Variants in CDH13 observed in about 807,000 individuals in gnomAD.
The protein encoded by CDH13 is cadherin 13, also known as cadherin-13.
CDH13 carries 24 observed loss-of-function variants against 63.8 expected under a neutral mutation model. That is an observed-to-expected ratio of 0.38 (90% CI 0.27 to 0.53). The LOEUF (loss-of-function observed/expected upper bound fraction) is 0.53, where lower values mean the gene tolerates loss of function less well. Among genes scored for constraint, CDH13 ranks in the 20% least tolerant of loss-of-function variants. The pLI is 0.85. For synonymous variants in CDH13, 503 were observed against 355.3 expected, an observed-to-expected ratio of 1.42 and a Z score of -4.67; for missense variants, 1,049 against 903.1, an observed-to-expected ratio of 1.16 and a Z score of -2.07.
chr16:83,372,782 CAG>C (rs1473658692), intron 6 of CDH13, among the ~76,000 whole-genome samples: 1 of 145,596 alleles, frequency 6.9e-6, no homozygotes, highest in African/African-American at 2.5e-5. Flanking sequence ...AAGACAATGA[CAG>C]AGAGCGACAA....
intron 5 of CDH13, among the ~76,000 whole-genome samples, chr16:83,321,110 A>C (rs1411766764): frequency 6.6e-6 from 1 of 152,242 alleles, no homozygotes; most frequent in Non-Finnish European, 1.5e-5. Context: ...GATTGAAATT[A>C]AGGGGGCCTT....
chr16:83,095,666 A>G (rs1295988388), intron 3 of CDH13, among the ~76,000 whole-genome samples: 1 of 152,224 alleles, frequency 6.6e-6, no homozygotes, highest in Non-Finnish European at 1.5e-5. Context: ...CTAACTTGTT[A>G]GTTGAAGTGA....
At chr16:82,966,852 A>C (rs921443773) in intron 2 of CDH13, among the ~76,000 whole-genome samples, 2 of 152,312 alleles carry the variant, frequency 1.3e-5, no homozygotes, top group Non-Finnish European at 2.9e-5. Context: ...CTCTCATAGA[A>C]TCACAGAACA....
chr16:83,049,956 A>G (rs1471011631), intron 3 of CDH13, among the ~76,000 whole-genome samples: 3 of 152,238 alleles, frequency 2.0e-5, no homozygotes, highest in Admixed American at 6.5e-5. Flanking sequence ...TTTCATTAAG[A>G]TGATGCTACA....
At chr16:83,118,869 C>G (rs544941309) in intron 3 of CDH13, among the ~76,000 whole-genome samples, 1 of 152,188 alleles carries the variant, frequency 6.6e-6, no homozygotes, top group Non-Finnish European at 1.5e-5. Context: ...CCTCTGCTCT[C>G]TTGCATCTTC....
chr16:83,150,639 C>A (rs535287062), intron 4 of CDH13, among the ~76,000 whole-genome samples: 1 of 152,164 alleles, frequency 6.6e-6, no homozygotes, highest in African/African-American at 2.4e-5. Context: ...CCTTATAGAG[C>A]GTTTTTTATC....
intron 2 of CDH13, among the ~76,000 whole-genome samples, chr16:83,006,901 T>G (rs76174030): frequency 1.2e-3 from 48 of 38,946 alleles, no homozygotes; most frequent in African/African-American, 1.8e-3. Context: ...CAGTTTTGAT[T>G]TTTTTTGTTT....
At chr16:83,482,946 A>G (rs931517179) in intron 6 of CDH13, among the ~76,000 whole-genome samples, 2 of 152,222 alleles carry the variant, frequency 1.3e-5, no homozygotes, top group African/African-American at 4.8e-5. Context: ...TAATTGGCTC[A>G]GAACCCAGGA....
At chr16:83,345,039 G>A (rs1359232492) in intron 6 of CDH13, 33 bp downstream of exon 6, 2 of 1,605,370 alleles carry the variant, frequency 1.2e-6, no homozygotes, top group East Asian at 2.2e-5. Context: ...TAGCGTAATG[G>A]CTTGGAAAGA....
At chr16:83,374,122 C>T (rs1183074248) in intron 6 of CDH13, among the ~76,000 whole-genome samples, 2 of 152,172 alleles carry the variant, frequency 1.3e-5, no homozygotes, top group Non-Finnish European at 2.9e-5. Flanking sequence ...TATGTTCTTG[C>T]TGCTGTTCCA....
At chr16:83,397,019 C>G (rs1249949859) in intron 6 of CDH13, among the ~76,000 whole-genome samples, 1 of 152,156 alleles carries the variant, frequency 6.6e-6, no homozygotes, top group Non-Finnish European at 1.5e-5. Flanking sequence ...GCCAAGCAGC[C>G]TTGGCTAAAA....
chr16:83,150,796 T>C (rs893963699), intron 4 of CDH13, among the ~76,000 whole-genome samples: 2 of 152,220 alleles, frequency 1.3e-5, no homozygotes, highest in Non-Finnish European at 2.9e-5. Context: ...TGAGCTGGAT[T>C]TCAACCTTTT....
chr16:83,074,106 T>C (rs2032648469), intron 3 of CDH13, among the ~76,000 whole-genome samples: 1 of 152,140 alleles, frequency 6.6e-6, no homozygotes, highest in East Asian at 1.9e-4. Context: ...CTACTGCCTG[T>C]TTGTACTTAA....
At chr16:83,024,190 G>C (rs2151460011) in intron 2 of CDH13, among the ~76,000 whole-genome samples, 1 of 152,296 alleles carries the variant, frequency 6.6e-6, no homozygotes, top group African/African-American at 2.4e-5. Context: ...AAACGTCACT[G>C]TGGAGGTTTT....
rs1915423097 is a variant in CDH13 at position 83,780,193 on chromosome 16, A to C, written c.1907A>C (p.Lys636Thr). Residue 636 changes from lysine (K) to threonine (T), a missense_variant, in exon 12 of 14, where the codon AAG becomes ACG. Physicochemically the swap from Lys to Thr is moderately conservative, Grantham distance 78. Coordinates refer to ENST00000567109, the MANE Select transcript of CDH13 (RefSeq NM_001257.5). ...AVPDKVWKIS[K>T]INNTHALVSL... ...CCTGATAAAGTCTGGAAGATCTCCA[A>C]GATCAACAGTAAGTCTGGCTAAAGC... is the stretch of plus-strand genomic sequence containing the variant. 6.3e-7 allele frequency: 1 copy of C among 1,590,072 alleles called. No homozygotes were observed. Among genetic ancestry groups the C allele is most frequent in the African/African-American group, 1.3e-5 (1 of 74,650 alleles).
chr16:83,685,165 A>G (rs1904293388), intron 10 of CDH13, among the ~76,000 whole-genome samples: 1 of 152,114 alleles, frequency 6.6e-6, no homozygotes, highest in Admixed American at 6.6e-5. Context: ...ATTGGCCAAA[A>G]TTGGTCACAG....
At chr16:82,896,276 A>AGTTTTTTTTTTTTTTTTT (rs2041253487) in intron 2 of CDH13, among the ~76,000 whole-genome samples, 1 of 87,816 alleles carries the variant, frequency 1.1e-5, no homozygotes, top group East Asian at 7.0e-4. Flanking sequence ...TAGGATTAGG[A>AGTTTTTTTTTTTTTTTTT]TTTTTTTTTT....
At chr16:82,792,136 C>G (rs986536245) in intron 1 of CDH13, among the ~76,000 whole-genome samples, 1 of 152,146 alleles carries the variant, frequency 6.6e-6, no homozygotes, top group Middle Eastern at 3.2e-3. Flanking sequence ...AACCATCCAT[C>G]TCTGAGCCAT....
intron 3 of CDH13, among the ~76,000 whole-genome samples, chr16:83,080,869 G>GTTTTTTTTTTTTTTT (rs1555579021): frequency 2.6e-5 from 1 of 37,796 alleles, no homozygotes; most frequent in Non-Finnish European, 4.9e-5. Context: ...TTTTGTTTTT[G>GTTTTTTTTTTTTTTT]TGTTTTTTTT....
Sources: allele counts gnomAD v4.1 joint callset (sites outside exome capture counted in the v4.1 genomes callset), GRCh38; gene constraint gnomAD v4.1.1; transcripts MANE v1.5; gene names NCBI Gene and HGNC (gene_info 2026-07-23, HGNC 2026-07-21).